Variants in GRID2 observed in about 807,000 individuals in gnomAD.
GRID2 encodes glutamate ionotropic receptor delta type subunit 2, also known as glutamate receptor ionotropic, delta-2.
In GRID2, 33 loss-of-function variants were observed where a neutral mutation model predicts 114.8. The ratio of observed to expected loss-of-function variants is 0.29; its 90% confidence interval spans 0.22 to 0.38. The LOEUF (loss-of-function observed/expected upper bound fraction) is 0.38, where lower values mean the gene tolerates loss of function less well. Ranked by LOEUF, GRID2 falls within the 10% of genes least tolerant of loss-of-function variation. GRID2 has a pLI of 1.00. For synonymous variants in GRID2, 505 were observed against 449.9 expected (o/e 1.12, Z -1.55); for missense variants, 1,184 against 1,257.7 (o/e 0.94, Z 0.89).
At chr4:92,952,096 A>G (rs990174406) in intron 2 of GRID2, among the ~76,000 whole-genome samples, 2 of 152,226 alleles carry the variant, frequency 1.3e-5, no homozygotes, top group Non-Finnish European at 2.9e-5. Context: ...ATCAAAGGGT[A>G]AATGCATTCA....
intron 8 of GRID2, 114 bp from the exon 9 acceptor site, chr4:93,395,493 T>C (rs945565335): frequency 5.2e-6 from 3 of 575,866 alleles, no homozygotes; most frequent in Non-Finnish European, 3.2e-6. Context: ...TGTGCAGTAC[T>C]CTTTCCATAC....
intron 1 of GRID2, among the ~76,000 whole-genome samples, chr4:92,491,767 CAT>C (rs1197023562): frequency 6.6e-6 from 1 of 151,982 alleles, no homozygotes; most frequent in Non-Finnish European, 1.5e-5. Flanking sequence ...TATGGATAAA[CAT>C]AAATTATGAT....
At chr4:93,491,030 T>G (rs571870466) in intron 12 of GRID2, among the ~76,000 whole-genome samples, 10 of 152,030 alleles carry the variant, frequency 6.6e-5, no homozygotes, top group African/African-American at 1.9e-4. Flanking sequence ...CCTGGAAGGA[T>G]AACACATCTT....
At chr4:93,202,774 T>C (rs1184707995) in intron 4 of GRID2, among the ~76,000 whole-genome samples, 1 of 152,138 alleles carries the variant, frequency 6.6e-6, no homozygotes, top group East Asian at 1.9e-4. Context: ...GGTAAATTAT[T>C]TTTTTGTAAG....
intron 1 of GRID2, among the ~76,000 whole-genome samples, chr4:92,388,737 A>G (rs773943510): frequency 2.4e-4 from 36 of 152,090 alleles, no homozygotes; most frequent in Non-Finnish European, 3.5e-4. Context: ...CTTGCCTTCT[A>G]TGATTGTGTT....
chr4:93,654,051 C>T (rs1722802477), intron 14 of GRID2, among the ~76,000 whole-genome samples: 1 of 152,116 alleles, frequency 6.6e-6, no homozygotes, highest in South Asian at 2.1e-4. Flanking sequence ...TCTTTTATTT[C>T]CTGGGTGTTT....
intron 13 of GRID2, among the ~76,000 whole-genome samples, chr4:93,589,166 G>A (rs1036115036): frequency 2.7e-5 from 4 of 150,906 alleles, no homozygotes; most frequent in African/African-American, 4.9e-5. Flanking sequence ...TCGTCATCTA[G>A]CATTAGGTAT....
At chr4:92,661,602 A>G (rs756385355) in intron 2 of GRID2, among the ~76,000 whole-genome samples, 1 of 150,930 alleles carries the variant, frequency 6.6e-6, no homozygotes, top group Non-Finnish European at 1.5e-5. Context: ...TCCCAAATAT[A>G]TATTTGCTCC....
rs1207077496 is a variant in GRID2 at position 93,270,639 on chromosome 4, T to TTTG, written c.1245+32151_1245+32152insGTT. ...TGTTTTTGTTTTTGTTTTGTTTTGT[T>TTTG]TTTTTTTGAGGTGGAGTCTCATTCT... On this transcript the variant is annotated intron_variant, in intron 8 of 15. Coordinates refer to ENST00000282020, the MANE Select transcript of GRID2 (RefSeq NM_001510.4). 1.2e-3 allele frequency among the ~76,000 whole-genome samples: 177 copies of TTTG among 152,086 alleles called. 2 individuals carry two copies. Among genetic ancestry groups the TTTG allele is most frequent in the African/African-American group, 4.2e-3 (175 of 41,504 alleles).
intron 4 of GRID2, among the ~76,000 whole-genome samples, chr4:93,128,433 T>C (rs6824206): frequency 0.4 from 60,167 of 151,988 alleles, 12,271 homozygotes; most frequent in Admixed American, 0.54. Flanking sequence ...TGGAAATTAT[T>C]ATTGGAACTC....
chr4:92,561,015 A>G lies in GRID2; in HGVS notation c.89-29116A>G, dbSNP rs554525303. Among the ~76,000 whole-genome samples the G allele has an allele frequency of 1.3e-3, 196 of 152,146 alleles. 1 individual carries two copies. Among genetic ancestry groups the G allele is most frequent in the African/African-American group, 4.6e-3 (191 of 41,538 alleles). Reference sequence around the variant, plus strand: ...GAGCCAAGGCACCCGGCCGCTTTCTAATTTTTTAATCTACTTTAGGTGAAT... The same window carrying G: ...GAGCCAAGGCACCCGGCCGCTTTCTGATTTTTTAATCTACTTTAGGTGAAT... On this transcript the variant is annotated intron_variant, in intron 1 of 15. Coordinates refer to ENST00000282020, the MANE Select transcript of GRID2 (RefSeq NM_001510.4).
chr4:92,744,487 CAA>C (rs34643860), intron 2 of GRID2, among the ~76,000 whole-genome samples: 123 of 85,364 alleles, frequency 1.4e-3, no homozygotes, highest in Middle Eastern at 8.3e-3. Flanking sequence ...TCCTCCATCT[CAA>C]AAAAAAAAAA....
chr4:93,458,734 C>G (rs180999146), intron 11 of GRID2, among the ~76,000 whole-genome samples: 1 of 152,180 alleles, frequency 6.6e-6, no homozygotes, highest in African/African-American at 2.4e-5. Flanking sequence ...GAATTAGACT[C>G]AGCGGCAGAT....
At chr4:93,339,863 C>G (rs1369281248) in intron 8 of GRID2, among the ~76,000 whole-genome samples, 1 of 141,632 alleles carries the variant, frequency 7.1e-6, no homozygotes, top group East Asian at 1.9e-4. Flanking sequence ...GGAAGAAGTG[C>G]TGAGCCAAGG....
Position 93,285,947 on chromosome 4 carries a change from T to G in GRID2, c.1245+47457T>G, listed in dbSNP as rs1211464666. Among the ~76,000 whole-genome samples, 9 of 152,056 alleles carry G rather than the reference T, an allele frequency of 5.9e-5. No homozygotes were observed. The East Asian group carries it at 9.6e-4, about 16-fold the overall frequency. ...AAAGTGATTTTTAGTCTACTTAAAT[T>G]ATTTTGTGTTAAGATTTTAATACGC... On this transcript the variant is annotated intron_variant, in intron 8 of 15. Coordinates refer to ENST00000282020, the MANE Select transcript of GRID2 (RefSeq NM_001510.4).
At chr4:93,243,107 AT>A (rs201570491) in intron 8 of GRID2, among the ~76,000 whole-genome samples, 3 of 151,704 alleles carry the variant, frequency 2.0e-5, no homozygotes, top group South Asian at 2.1e-4. Flanking sequence ...GACACTTGAA[AT>A]TTTTTTTGCA....
At chr4:93,036,111 A>T (rs142359593) in intron 2 of GRID2, among the ~76,000 whole-genome samples, 1 of 152,098 alleles carries the variant, frequency 6.6e-6, no homozygotes, top group African/African-American at 2.4e-5. Context: ...CAATGAGTCT[A>T]TATTTCGGTG....
intron 8 of GRID2, among the ~76,000 whole-genome samples, chr4:93,389,493 G>T (rs1418197431): frequency 6.6e-6 from 1 of 152,036 alleles, no homozygotes; most frequent in African/African-American, 2.4e-5. Flanking sequence ...AAAGAAAGAA[G>T]AATAAAGAGG....
intron 2 of GRID2, among the ~76,000 whole-genome samples, chr4:92,814,980 C>A (rs986874056): frequency 1.3e-5 from 2 of 152,022 alleles, no homozygotes; most frequent in Admixed American, 1.3e-4. Flanking sequence ...ATTTATCAAA[C>A]CCATCTCCAT....
Sources: gnomAD v4.1 joint callset for allele counts (sites outside exome capture counted in the v4.1 genomes callset) on GRCh38, gnomAD v4.1.1 for gene constraint, MANE v1.5 for transcripts, NCBI Gene and HGNC (gene_info 2026-07-23, HGNC 2026-07-21) for gene names.